PRKCE: variants seen among roughly 807,000 people sequenced by gnomAD.
PRKCE encodes the protein protein kinase C epsilon.
In PRKCE, 16 loss-of-function variants were observed where a neutral mutation model predicts 85.4. The ratio of observed to expected loss-of-function variants is 0.19; its 90% confidence interval spans 0.13 to 0.28. The LOEUF (loss-of-function observed/expected upper bound fraction) is 0.28. Among genes scored for constraint, PRKCE ranks in the 10% least tolerant of loss-of-function variants. The probability of loss-of-function intolerance (pLI) is 1.00; values close to 1 mark genes in which losing one functional copy is unlikely to be tolerated. For synonymous variants in PRKCE, 388 were observed against 371.5 expected (o/e 1.04, Z -0.51); for missense variants, 573 against 975.2 (o/e 0.59, Z 5.49).
intron 1 of PRKCE, among the ~76,000 whole-genome samples, chr2:45,765,959 C>A (rs920531161): frequency 6.6e-6 from 1 of 152,164 alleles, no homozygotes; most frequent in African/African-American, 2.4e-5. Context: ...AACTAAGAAC[C>A]TTATTGCAAT....
chr2:46,113,678 G>A (rs1441846853), intron 11 of PRKCE, among the ~76,000 whole-genome samples: 1 of 152,210 alleles, frequency 6.6e-6, no homozygotes, highest in Admixed American at 6.5e-5. Flanking sequence ...GCAGTGGGAA[G>A]GGGGATGTGC....
chr2:45,949,402 G>GTTTTTTTTTTTTTTTGTTTGT, intron 2 of PRKCE, among the ~76,000 whole-genome samples: 1 of 118,746 alleles, frequency 8.4e-6, no homozygotes, highest in South Asian at 2.6e-4. Flanking sequence ...TATTTTGCTT[G>GTTTTTTTTTTTTTTTGTTTGT]TTTTTTTTTT....
chr2:46,095,972 T>C (rs1670644317), intron 11 of PRKCE, among the ~76,000 whole-genome samples: 1 of 152,252 alleles, frequency 6.6e-6, no homozygotes, highest in South Asian at 2.1e-4. Context: ...AAGCTCTTAC[T>C]GTCCACTGGA....
In PRKCE at chr2:45,711,825, A is replaced by G. The variant is rs111620096; in HGVS notation, c.348+59377A>G. Among the ~76,000 whole-genome samples the G allele has an allele frequency of 8.6e-3, 1,310 of 152,246 alleles. 14 individuals carry two copies. Among genetic ancestry groups the G allele is most frequent in the African/African-American group, 0.029 (1,216 of 41,544 alleles). On this transcript the variant is annotated intron_variant, in intron 1 of 14. Coordinates refer to ENST00000306156, the MANE Select transcript of PRKCE (RefSeq NM_005400.3). ...TTTTTAGTAGAGATGGGGTTTCACT[A>G]TGTCGGTCAGGATGGTCTTGATCTC...
intron 10 of PRKCE, among the ~76,000 whole-genome samples, chr2:46,016,252 G>C (rs1361612375): frequency 6.6e-6 from 1 of 152,174 alleles, no homozygotes; most frequent in Non-Finnish European, 1.5e-5. Context: ...TTTTATGGCA[G>C]GACCTTTGGT....
intron 1 of PRKCE, among the ~76,000 whole-genome samples, chr2:45,683,063 T>G (rs1007373794): frequency 2.6e-5 from 4 of 152,248 alleles, no homozygotes; most frequent in Middle Eastern, 6.3e-3. Flanking sequence ...CTTAGTAACT[T>G]TGAGCATTTT....
chr2:45,653,633 A>T (rs1237249497), intron 1 of PRKCE, among the ~76,000 whole-genome samples: 1 of 152,076 alleles, frequency 6.6e-6, no homozygotes, highest in African/African-American at 2.4e-5. Context: ...CACATGGATC[A>T]CTTTGGCATA....
chr2:45,931,877 T>C (rs1440185643), intron 2 of PRKCE, among the ~76,000 whole-genome samples: 1 of 152,096 alleles, frequency 6.6e-6, no homozygotes, highest in East Asian at 1.9e-4. Context: ...CAGCTAATTT[T>C]TGTATTTTTA....
At chr2:45,904,873 G>C (rs1430527101) in intron 2 of PRKCE, among the ~76,000 whole-genome samples, 3 of 152,208 alleles carry the variant, frequency 2.0e-5, no homozygotes, top group African/African-American at 7.2e-5. Context: ...GTGAGCCTAT[G>C]TGCTGTGAAT....
chr2:46,153,730 C>CTTCTTCGT (rs1472634789), intron 13 of PRKCE, among the ~76,000 whole-genome samples: 1 of 150,710 alleles, frequency 6.6e-6, no homozygotes, highest in Non-Finnish European at 1.5e-5. Context: ...GCTGCTTCTT[C>CTTCTTCGT]TTCTTCGTCC....
At chr2:45,715,560 G>T (rs1189782807) in intron 1 of PRKCE, among the ~76,000 whole-genome samples, 2 of 152,160 alleles carry the variant, frequency 1.3e-5, no homozygotes, top group African/African-American at 4.8e-5. Flanking sequence ...AGAGACTCCT[G>T]CTCATCTCTC....
intron 1 of PRKCE, among the ~76,000 whole-genome samples, chr2:45,711,357 G>C (rs1447093318): frequency 1.3e-5 from 2 of 152,212 alleles, no homozygotes; most frequent in South Asian, 2.1e-4. Flanking sequence ...ACTCAGGCCA[G>C]ACTGCCTGGC....
chr2:45,958,773 T>C (rs1483380618), intron 2 of PRKCE, among the ~76,000 whole-genome samples: 1 of 129,806 alleles, frequency 7.7e-6, no homozygotes, highest in East Asian at 2.4e-4. Context: ...CATTTTTCCC[T>C]TCCTCTGGCC....
At chr2:45,764,979 C>G (rs374237154) in intron 1 of PRKCE, among the ~76,000 whole-genome samples, 13 of 152,168 alleles carry the variant, frequency 8.5e-5, no homozygotes, top group African/African-American at 2.9e-4. Context: ...GCAGAGCAAA[C>G]ATGCTGAAGG....
Position 45,966,064 on chromosome 2 carries a change from T to C in PRKCE, c.413-10365T>C, listed in dbSNP as rs1290357828. Reference sequence around the variant, plus strand: ...TTGGGTACAAGTGGGACTAGGCTATTTTGCCATCCTTGGGAGGCGTGGATG... The same window carrying C: ...TTGGGTACAAGTGGGACTAGGCTATCTTGCCATCCTTGGGAGGCGTGGATG... On this transcript the variant is annotated intron_variant, in intron 2 of 14. Coordinates refer to ENST00000306156, the MANE Select transcript of PRKCE (RefSeq NM_005400.3). Among the ~76,000 whole-genome samples the C allele has an allele frequency of 2.6e-5, 4 of 152,166 alleles. No homozygotes were observed. In the East Asian group the frequency reaches 7.7e-4, roughly 29 times the overall value.
chr2:45,971,223 T>C lies in PRKCE; in HGVS notation c.413-5206T>C, dbSNP rs574013650. Among the ~76,000 whole-genome samples the C allele has an allele frequency of 7.2e-5, 11 of 152,332 alleles. No homozygotes were observed. In the South Asian group the frequency reaches 2.3e-3, roughly 32 times the overall value. On this transcript the variant is annotated intron_variant, in intron 2 of 14. Coordinates refer to ENST00000306156, the MANE Select transcript of PRKCE (RefSeq NM_005400.3). Reference sequence around the variant, plus strand: ...CCACCATTCTGCTCTCTTGCTTCTATGAGTTCAACCACGTTAGATTCCTCA... The same window carrying C: ...CCACCATTCTGCTCTCTTGCTTCTACGAGTTCAACCACGTTAGATTCCTCA...
intron 10 of PRKCE, among the ~76,000 whole-genome samples, chr2:46,066,591 T>C (rs992885874): frequency 2.6e-5 from 4 of 152,228 alleles, no homozygotes; most frequent in Admixed American, 2.6e-4. Context: ...GCTTGGGGCA[T>C]AGTCTGTGAA....
intron 1 of PRKCE, among the ~76,000 whole-genome samples, chr2:45,806,294 C>A (rs1419210683): frequency 6.6e-6 from 1 of 152,182 alleles, no homozygotes; most frequent in East Asian, 1.9e-4. Flanking sequence ...TTTGCTGGTC[C>A]ATGATATGCA....
chr2:45,806,228 A>G (rs1399966280), intron 1 of PRKCE, among the ~76,000 whole-genome samples: 1 of 152,148 alleles, frequency 6.6e-6, no homozygotes, highest in Non-Finnish European at 1.5e-5. Context: ...TGGCACGTGA[A>G]CCAAAGGGTC....
Sources: gnomAD v4.1 joint callset for allele counts (sites outside exome capture counted in the v4.1 genomes callset) on GRCh38, gnomAD v4.1.1 for gene constraint, MANE v1.5 for transcripts, NCBI Gene and HGNC (gene_info 2026-07-23, HGNC 2026-07-21) for gene names.